The following PAPSS2 variants were observed in gnomAD, a reference collection of about 807,000 sequenced individuals.
PAPSS2 encodes the protein 3'-phosphoadenosine 5'-phosphosulfate synthase 2.
PAPSS2 carries 61 observed loss-of-function variants against 66.5 expected under a neutral mutation model. That is an observed-to-expected ratio of 0.92 (90% confidence interval 0.75 to 1.14). PAPSS2 has a LOEUF of 1.14. Ranked by LOEUF, PAPSS2 falls within the 50% of genes most tolerant of loss-of-function variation. The pLI, the probability that PAPSS2 is intolerant of heterozygous loss-of-function variation, is 0.00. For missense variants in PAPSS2, 708 were observed against 789.6 expected, an observed-to-expected ratio of 0.90 and a Z score of 1.24; for synonymous variants, 289 against 287.5, an observed-to-expected ratio of 1.01 and a Z score of -0.05.
At chr10:87,683,357 C>A (rs1853048450) in intron 1 of PAPSS2, among the ~76,000 whole-genome samples, 1 of 152,132 alleles carries the variant, frequency 6.6e-6, no homozygotes, top group Admixed American at 6.5e-5. Flanking sequence ...GTGATCCGCC[C>A]ACCTCAGCCT....
chr10:87,672,536 A>T (rs1441190870), intron 1 of PAPSS2, among the ~76,000 whole-genome samples: 2 of 152,206 alleles, frequency 1.3e-5, no homozygotes, highest in African/African-American at 4.8e-5. Flanking sequence ...CTGTTAGTTC[A>T]TCCTGGATTA....
chr10:87,676,417 G>A (rs977359195), intron 1 of PAPSS2, among the ~76,000 whole-genome samples: 2 of 152,170 alleles, frequency 1.3e-5, no homozygotes, highest in African/African-American at 4.8e-5. Flanking sequence ...AAACGGACCT[G>A]TCTTTCCTTT....
chr10:87,682,198 T>C (rs888532372), intron 1 of PAPSS2, among the ~76,000 whole-genome samples: 2 of 152,178 alleles, frequency 1.3e-5, no homozygotes, highest in Admixed American at 1.3e-4. Context: ...CATTTACCCA[T>C]ACAGACCCTA....
intron 1 of PAPSS2, among the ~76,000 whole-genome samples, chr10:87,677,315 T>C (rs1852962084): frequency 6.6e-6 from 1 of 152,262 alleles, no homozygotes; most frequent in Non-Finnish European, 1.5e-5. Flanking sequence ...TTTTTAAAGA[T>C]GGCAACTTTG....
At chr10:87,709,498 A>G (rs1308509802) in intron 2 of PAPSS2, among the ~76,000 whole-genome samples, 185 bp downstream of exon 2, 1 of 152,212 alleles carries the variant, frequency 6.6e-6, no homozygotes, top group Non-Finnish European at 1.5e-5. Context: ...GTCAAGGTCA[A>G]CTACAGAAAT....
intron 2 of PAPSS2, among the ~76,000 whole-genome samples, chr10:87,710,435 C>T (rs1047268449): frequency 6.6e-6 from 1 of 152,138 alleles, no homozygotes; most frequent in African/African-American, 2.4e-5. Context: ...TACCTCAACT[C>T]CCCCCAAGAG....
intron 9 of PAPSS2, among the ~76,000 whole-genome samples, chr10:87,735,529 T>C (rs990381688): frequency 3.9e-5 from 6 of 152,152 alleles, no homozygotes; most frequent in Admixed American, 3.9e-4. Flanking sequence ...GATGTATAGG[T>C]ATGGATATTT....
At chr10:87,742,211 G>T (rs991716624) in intron 10 of PAPSS2, among the ~76,000 whole-genome samples, 6 of 152,240 alleles carry the variant, frequency 3.9e-5, no homozygotes, top group Non-Finnish European at 7.3e-5. Context: ...AGAGATAGCT[G>T]AAGTGTATTT....
At chr10:87,681,665 C>T (rs1267143843) in intron 1 of PAPSS2, among the ~76,000 whole-genome samples, 13 of 152,114 alleles carry the variant, frequency 8.5e-5, no homozygotes, top group African/African-American at 2.2e-4. Flanking sequence ...ATTTTCATTA[C>T]GCTAAAAAGA....
chr10:87,672,594 A>G (rs1397864925), intron 1 of PAPSS2, among the ~76,000 whole-genome samples: 1 of 152,184 alleles, frequency 6.6e-6, no homozygotes, highest in Non-Finnish European at 1.5e-5. Context: ...ATGTCTGCCT[A>G]CATGTCATCC....
intron 8 of PAPSS2, among the ~76,000 whole-genome samples, 170 bp from the exon 9 acceptor site, chr10:87,727,114 G>A (rs1220966444): frequency 2.6e-5 from 4 of 152,206 alleles, no homozygotes. Context: ...TCAAGGACTT[G>A]TCATTATAGA....
intron 1 of PAPSS2, among the ~76,000 whole-genome samples, chr10:87,686,275 T>C (rs898251406): frequency 1.3e-5 from 2 of 150,506 alleles, no homozygotes; most frequent in Non-Finnish European, 1.5e-5. Context: ...TCCTTTTTTT[T>C]CTAGACACTC....
chr10:87,732,413 C>T (rs1853740738), intron 9 of PAPSS2, among the ~76,000 whole-genome samples: 1 of 151,890 alleles, frequency 6.6e-6, no homozygotes, highest in South Asian at 2.1e-4. Flanking sequence ...GTACCAGCTA[C>T]TCAGGAGGCT....
intron 1 of PAPSS2, among the ~76,000 whole-genome samples, chr10:87,677,875 G>A (rs1852968485): frequency 6.6e-6 from 1 of 152,098 alleles, no homozygotes; most frequent in African/African-American, 2.4e-5. Context: ...TTTAAAAATT[G>A]TGATCACAGA....
intron 1 of PAPSS2, among the ~76,000 whole-genome samples, chr10:87,689,133 G>A (rs1440748741): frequency 3.3e-5 from 5 of 151,968 alleles, no homozygotes; most frequent in African/African-American, 1.2e-4. Context: ...CTGAGGTCGG[G>A]AGTTGGAGAT....
At position 87,713,162 on chromosome 10, in the gene PAPSS2, G is replaced by C; in HGVS notation, c.233G>C (p.Gly78Ala). Residue 78 changes from glycine (G) to alanine (A), a missense_variant, in exon 3 of 13, where the codon GGG becomes GCG. Gly to Ala is a moderately conservative substitution (Grantham distance 60). Coordinates refer to ENST00000456849, the MANE Select transcript of PAPSS2 (RefSeq NM_001015880.2). The part of the protein sequence containing the change: ...SHAIPCYSLD[G>A]DNVRHGLNRN... ...GCCATCCCTTGTTACTCCCTGGATG[G>C]GGACAATGTCCGTCATGGCCTTAAC... 1 of 1,613,234 alleles carries C rather than the reference G, an allele frequency of 6.2e-7. No individual in the cohort carries two copies. The highest frequency in any genetic ancestry group is 8.5e-7 in the Non-Finnish European group (1 of 1,179,594).
chr10:87,659,902 T>TGCTGCCGCCGCC lies in PAPSS2; in HGVS notation c.-77_-66dup. ...CAGCCGCTGCTGCTGCTGCTGCTGC[T>TGCTGCCGCCGCC]GCTGCCGCCGCCGCCGCCGCCGTCC... On this transcript the variant is annotated 5_prime_UTR_variant, in exon 1 of 13. Coordinates refer to ENST00000456849, the MANE Select transcript of PAPSS2 (RefSeq NM_001015880.2). 2 of 1,446,688 alleles carry TGCTGCCGCCGCC rather than the reference T, an allele frequency of 1.4e-6. No homozygotes were observed. The highest frequency in any genetic ancestry group is 2.3e-5 in the East Asian group (1 of 42,690). 89.6% of individuals were successfully genotyped at this position (1,446,688 alleles called of 1,614,324 possible).
chr10:87,679,664 A>G (rs1277169736), intron 1 of PAPSS2, among the ~76,000 whole-genome samples: 1 of 152,164 alleles, frequency 6.6e-6, no homozygotes, highest in Non-Finnish European at 1.5e-5. Flanking sequence ...CTAGGGGATA[A>G]TTTGTAACTC....
chr10:87,676,553 T>G (rs1852950070), intron 1 of PAPSS2, among the ~76,000 whole-genome samples: 1 of 114,788 alleles, frequency 8.7e-6, no homozygotes, highest in South Asian at 3.0e-4. Flanking sequence ...AATTAACTAA[T>G]TAGCTTTGTA....
Sources: allele counts gnomAD v4.1 joint callset (sites outside exome capture counted in the v4.1 genomes callset), GRCh38; gene constraint gnomAD v4.1.1; transcripts MANE v1.5; gene names NCBI Gene and HGNC (gene_info 2026-07-23, HGNC 2026-07-21).